BCAS1: variants seen among roughly 807,000 people sequenced by gnomAD.
BCAS1 encodes breast carcinoma-amplified sequence 1.
In BCAS1, 46 loss-of-function variants were observed where a neutral mutation model predicts 65.4. The observed-to-expected ratio is 0.70, with a 90% CI of 0.55 to 0.90. The LOEUF is 0.90. BCAS1 is among the 40% of genes least tolerant of loss of function. The probability of loss-of-function intolerance (pLI) is 0.00; values close to 1 mark genes in which losing one functional copy is unlikely to be tolerated. For missense variants in BCAS1, 793 were observed against 771.2 expected (o/e 1.03, Z -0.33); for synonymous variants, 298 against 293.5 (o/e 1.02, Z -0.16).
intron 1 of BCAS1, among the ~76,000 whole-genome samples, chr20:54,067,401 G>C (rs1401012636): frequency 6.6e-6 from 1 of 152,196 alleles, no homozygotes; most frequent in Non-Finnish European, 1.5e-5. Context: ...ATCAAATAAA[G>C]TGAGGATTGA....
At chr20:53,986,148 T>C (rs1448349311) in intron 7 of BCAS1, among the ~76,000 whole-genome samples, 1 of 152,158 alleles carries the variant, frequency 6.6e-6, no homozygotes, top group Non-Finnish European at 1.5e-5. Flanking sequence ...CTTCTTGAAA[T>C]GTTATCCATT....
chr20:53,987,908 C>G (rs1286676200), intron 7 of BCAS1, among the ~76,000 whole-genome samples: 1 of 152,156 alleles, frequency 6.6e-6, no homozygotes, highest in Admixed American at 6.5e-5. Flanking sequence ...AGTATCGGAG[C>G]AAAGAGTGGC....
chr20:54,041,537 A>G (rs558151978), intron 3 of BCAS1, among the ~76,000 whole-genome samples: 1 of 152,102 alleles, frequency 6.6e-6, no homozygotes, highest in Non-Finnish European at 1.5e-5. Context: ...TTCCCTTGCC[A>G]AATTGGTTAA....
intron 9 of BCAS1, among the ~76,000 whole-genome samples, chr20:53,972,088 T>G (rs1385381111): frequency 6.6e-6 from 1 of 152,164 alleles, no homozygotes; most frequent in Non-Finnish European, 1.5e-5. Context: ...GGGCCTTGCA[T>G]CCGTTGATAG....
At chr20:54,042,224 G>T (rs2092012824) in intron 3 of BCAS1, among the ~76,000 whole-genome samples, 1 of 152,038 alleles carries the variant, frequency 6.6e-6, no homozygotes, top group Non-Finnish European at 1.5e-5. Flanking sequence ...ACAAAGAGGG[G>T]AATGACAGGC....
intron 6 of BCAS1, 119 bp downstream of exon 6, chr20:53,994,893 A>ACACG: frequency 2.4e-6 from 1 of 422,232 alleles, no homozygotes; most frequent in Non-Finnish European, 4.4e-6. Flanking sequence ...TATGATACAC[A>ACACG]CACACACACA....
At chr20:54,004,551 A>G (rs1375402625) in intron 4 of BCAS1, among the ~76,000 whole-genome samples, 1 of 152,236 alleles carries the variant, frequency 6.6e-6, no homozygotes, top group Non-Finnish European at 1.5e-5. Context: ...AGTCATTATG[A>G]AAGTGGCACA....
intron 8 of BCAS1, among the ~76,000 whole-genome samples, chr20:53,975,866 G>A (rs189914500): frequency 4.3e-4 from 65 of 152,212 alleles, no homozygotes; most frequent in South Asian, 1.0e-3. Context: ...AGAGAAACTC[G>A]TTCAATTGTC....
chr20:53,953,476 G>A lies in BCAS1; in HGVS notation c.1771C>T (p.Pro591Ser). ...LQNGDKLQKR[P>S]EKRQQSLGGF... ...CCAAGGGACTGCTGCCGCTTCTCAG[G>A]TCTCTTTTGGAGCTTGTCCCCATTC... The change falls in exon 12 of 13, where the codon CCT becomes TCT. Residue 591 changes from proline to serine, a missense_variant. By Grantham distance (74) the Pro-to-Ser change is moderately conservative (BLOSUM62 -1). Coordinates refer to ENST00000688948, the MANE Select transcript of BCAS1 (RefSeq NM_001366298.2). 1 of 1,614,054 alleles carries A rather than the reference G, an allele frequency of 6.2e-7. No homozygotes were observed. The highest frequency in any genetic ancestry group is 8.5e-7 in the Non-Finnish European group (1 of 1,180,018).
chr20:53,986,117 C>T (rs1369547895), intron 7 of BCAS1, among the ~76,000 whole-genome samples: 1 of 152,114 alleles, frequency 6.6e-6, no homozygotes, highest in East Asian at 1.9e-4. Flanking sequence ...TTAGGTGCAG[C>T]CCTACACTCC....
chr20:54,059,809 T>C (rs2092354500), intron 1 of BCAS1, among the ~76,000 whole-genome samples: 1 of 152,204 alleles, frequency 6.6e-6, no homozygotes. Flanking sequence ...ACAGAAAAAG[T>C]CCAGTAAATA....
chr20:54,022,561 G>A (rs1309937341), intron 4 of BCAS1, among the ~76,000 whole-genome samples: 1 of 152,148 alleles, frequency 6.6e-6, no homozygotes, highest in Non-Finnish European at 1.5e-5. Context: ...AAATGATTGA[G>A]TATAACAGGC....
intron 11 of BCAS1, 71 bp from the exon 12 acceptor site, chr20:53,953,766 T>C: frequency 2.0e-6 from 3 of 1,505,188 alleles, no homozygotes; most frequent in African/African-American, 1.4e-5. Flanking sequence ...GGAATAAATA[T>C]GTTAAAACAG....
At chr20:54,009,237 G>A (rs2091270156) in intron 4 of BCAS1, among the ~76,000 whole-genome samples, 1 of 152,148 alleles carries the variant, frequency 6.6e-6, no homozygotes, top group Non-Finnish European at 1.5e-5. Context: ...TAACTAAAAT[G>A]GAAATTTTAG....
intron 9 of BCAS1, 76 bp from the exon 10 acceptor site, chr20:53,967,149 C>CAAGGACCCCACT: frequency 6.8e-7 from 1 of 1,478,524 alleles, no homozygotes; most frequent in Non-Finnish European, 9.3e-7. Context: ...AAGTGGGGTC[C>CAAGGACCCCACT]TTGTTGCCCC....
intron 4 of BCAS1, among the ~76,000 whole-genome samples, chr20:54,005,292 T>TA (rs2091157209): frequency 1.9e-5 from 1 of 51,688 alleles, no homozygotes; most frequent in African/African-American, 6.1e-5. Context: ...CTTGTCTCTA[T>TA]GAAACAAAGC....
At chr20:53,995,786 CATG>C in intron 5 of BCAS1, 103 bp downstream of exon 5, 1 of 1,264,394 alleles carries the variant, frequency 7.9e-7, no homozygotes, top group Non-Finnish European at 1.1e-6. Context: ...CCAACAGCAC[CATG>C]ATAATTCATT....
chr20:53,973,441 A>C (rs73137802), intron 9 of BCAS1, among the ~76,000 whole-genome samples: 1,720 of 152,202 alleles, frequency 0.011, 10 homozygotes, highest in Middle Eastern at 0.044. Flanking sequence ...ATTCCTGTTT[A>C]TATTTCTATT....
At chr20:53,978,983 T>C (rs1043713684) in intron 8 of BCAS1, among the ~76,000 whole-genome samples, 5 of 152,138 alleles carry the variant, frequency 3.3e-5, no homozygotes, top group African/African-American at 1.2e-4. Context: ...AAAAATAAAA[T>C]AAGGCCTGTG....
Sources: allele counts gnomAD v4.1 joint callset (sites outside exome capture counted in the v4.1 genomes callset), GRCh38; gene constraint gnomAD v4.1.1; transcripts MANE v1.5; gene names NCBI Gene and HGNC (gene_info 2026-07-23, HGNC 2026-07-21).